Variants in TEN1 observed in about 807,000 individuals in gnomAD.
TEN1 encodes CST complex subunit TEN1.
Under a neutral mutation model 9.3 loss-of-function variants are expected in TEN1, and 6 were observed. The observed-to-expected ratio is 0.65, with a 90% CI of 0.35 to 1.27. The LOEUF (loss-of-function observed/expected upper bound fraction) is 1.27, where lower values mean the gene tolerates loss of function less well. TEN1 is among the 50% of genes most tolerant of loss of function. The pLI is 0.03. For synonymous variants in TEN1, 65 were observed against 65.6 expected (o/e 0.99, Z 0.04); for missense variants, 149 against 158.2 (o/e 0.94, Z 0.31).
In TEN1 at chr17:75,985,554, C is replaced by T. The variant is rs185362457; in HGVS notation, c.-6-633C>T. Among the ~76,000 whole-genome samples the T allele has an allele frequency of 1.7e-3, 255 of 152,252 alleles. 2 individuals are homozygous for T. The highest frequency in any genetic ancestry group is 6.6e-3 in the South Asian group (32 of 4,830). ...TGCTTTGTTTTTTGAGACGGAGTCT[C>T]GCTCTTATTGCCCTGGCTGGAGTGC... is the stretch of plus-strand genomic sequence containing the variant. On this transcript the variant is annotated intron_variant, in intron 1 of 3. Coordinates refer to ENST00000397640, the MANE Select transcript of TEN1 (RefSeq NM_001113324.3).
chr17:75,994,490 G>A (rs1300237482), intron 3 of TEN1, among the ~76,000 whole-genome samples: 1 of 151,076 alleles, frequency 6.6e-6, no homozygotes, highest in African/African-American at 2.4e-5. Context: ...TTTTTTGTGA[G>A]ACGGAGTCTC....
chr17:75,992,033 T>G (rs2066188821), intron 3 of TEN1, among the ~76,000 whole-genome samples: 2 of 117,550 alleles, frequency 1.7e-5, no homozygotes, highest in East Asian at 2.3e-4. Context: ...GATGACAGAG[T>G]GAGACTCCGT....
At chr17:75,999,117 G>A (rs79664079) in intron 3 of TEN1, among the ~76,000 whole-genome samples, 11,471 of 152,036 alleles carry the variant, frequency 0.075, 1,396 homozygotes, top group African/African-American at 0.26. Flanking sequence ...AGGCCGAGGC[G>A]GGCAGATCAC....
chr17:75,994,095 T>C (rs1045135033), intron 3 of TEN1, among the ~76,000 whole-genome samples: 3 of 152,040 alleles, frequency 2.0e-5, no homozygotes, highest in Admixed American at 2.0e-4. Context: ...AGTTTAGTAC[T>C]CTTATAATTT....
chr17:75,999,461 G>C (rs1052044660), intron 3 of TEN1, among the ~76,000 whole-genome samples: 4 of 152,040 alleles, frequency 2.6e-5, no homozygotes, highest in African/African-American at 9.7e-5. Flanking sequence ...TCCTGCCTCA[G>C]CCTTCCAAGT....
chr17:75,996,722 AAGAG>A (rs1555622100), intron 3 of TEN1, among the ~76,000 whole-genome samples: 26 of 141,526 alleles, frequency 1.8e-4, no homozygotes, highest in South Asian at 6.3e-4. Flanking sequence ...AAAAAAAAAA[AAGAG>A]AGAGAGAAAG....
rs567166272 is a variant in TEN1 at position 75,988,583 on chromosome 17, A to G, written c.92+2299A>G. On this transcript the variant is annotated intron_variant, in intron 2 of 3. Coordinates refer to ENST00000397640, the MANE Select transcript of TEN1 (RefSeq NM_001113324.3). The stretch of plus-strand genomic sequence containing the variant: ...CCTCAAAAAAAAAAAAAAAAAAAAA[A>G]AAAAGAAAAGAAGAAGAAAGCAATA... Among the ~76,000 whole-genome samples the G allele has an allele frequency of 8.8e-4, 96 of 109,012 alleles. 4 individuals are homozygous for G. The highest frequency in any genetic ancestry group is 5.9e-3 in the African/African-American group (62 of 10,550). The allele number at this position is 109,012 out of a possible 152,430, so 71.5% of individuals were successfully genotyped here. A position where few individuals can be genotyped will look rare whatever the true frequency, so the allele number is the denominator to read the frequency against.
intron 3 of TEN1, among the ~76,000 whole-genome samples, chr17:75,995,418 G>A (rs979520238): frequency 2.0e-5 from 3 of 152,156 alleles, no homozygotes; most frequent in African/African-American, 7.2e-5. Context: ...CAGGCCCAAA[G>A]CTCTATGGGG....
At chr17:75,989,407 T>C (rs1001873661) in intron 2 of TEN1, among the ~76,000 whole-genome samples, 6 of 149,212 alleles carry the variant, frequency 4.0e-5, no homozygotes, top group African/African-American at 1.5e-4. Context: ...CCACCGCACC[T>C]GGCCTTTTTT....
intron 1 of TEN1, among the ~76,000 whole-genome samples, chr17:75,983,421 G>A (rs2066134658): frequency 6.6e-6 from 1 of 152,156 alleles, no homozygotes; most frequent in African/African-American, 2.4e-5. Context: ...AACATCTAGT[G>A]GGGACACTCC....
chr17:75,982,171 C>CA (rs1352988606), intron 1 of TEN1, among the ~76,000 whole-genome samples: 4 of 152,226 alleles, frequency 2.6e-5, no homozygotes, highest in Admixed American at 6.5e-5. Flanking sequence ...GGTCCTCCCC[C>CA]ACACCCAGAA....
At chr17:75,983,810 C>T (rs1179817910) in intron 1 of TEN1, among the ~76,000 whole-genome samples, 1 of 152,046 alleles carries the variant, frequency 6.6e-6, no homozygotes, top group African/African-American at 2.4e-5. Flanking sequence ...CAGGCTGAGT[C>T]ACCTCTGAGG....
At position 75,988,240 on chromosome 17, in the gene TEN1, C is replaced by CA. The variant is rs749108730; in HGVS notation, c.92+1972dup. ...GGGTGACAAGAGTGAAATTCGGCCT[C>CA]AAAAAAAAAAAAAAAAGAAGTATTT... On this transcript the variant is annotated intron_variant, in intron 2 of 3. Transcript: ENST00000397640. 8.9e-3 allele frequency among the ~76,000 whole-genome samples: 798 copies of CA among 89,332 alleles called. 7 individuals are homozygous for CA. The highest frequency in any genetic ancestry group is 0.024 in the African/African-American group (535 of 22,582). The allele number at this position is 89,332 out of a possible 152,430, so 58.6% of individuals were successfully genotyped here.
intron 3 of TEN1, among the ~76,000 whole-genome samples, chr17:75,992,173 G>C (rs1406293259): frequency 2.0e-5 from 3 of 152,066 alleles, no homozygotes; most frequent in Non-Finnish European, 2.9e-5. Flanking sequence ...ATGTGAGGCA[G>C]CTTGCTTAGA....
chr17:75,984,176 G>C (rs952269925), intron 1 of TEN1, among the ~76,000 whole-genome samples: 1 of 152,072 alleles, frequency 6.6e-6, no homozygotes, highest in Non-Finnish European at 1.5e-5. Flanking sequence ...GGCAAGAGGG[G>C]GACTGGCTAG....
At position 75,996,706 on chromosome 17, in the gene TEN1, CAAAA is replaced by C. The variant is rs35106916; in HGVS notation, c.251-3421_251-3418del. 1.3e-4 allele frequency among the ~76,000 whole-genome samples: 12 copies of C among 95,944 alleles called. No homozygotes were observed. In the South Asian group the frequency reaches 1.7e-3, roughly 14 times the overall value. The allele number at this position is 95,944 out of a possible 152,430, so 62.9% of individuals were successfully genotyped here. On this transcript the variant is annotated intron_variant, in intron 3 of 3. Transcript: ENST00000397640. ...CCTGGGTGACAGAGTGAGACCCTGT[CAAAA>C]AAAAAAAAAAAAAGAGAGAGAGAAA...
At chr17:75,997,168 C>G (rs552533614) in intron 3 of TEN1, among the ~76,000 whole-genome samples, 1 of 152,262 alleles carries the variant, frequency 6.6e-6, no homozygotes, top group East Asian at 1.9e-4. Flanking sequence ...GCCTCACTAC[C>G]ATTTCAGCCA....
chr17:75,989,161 G>A (rs1452225386), intron 2 of TEN1, among the ~76,000 whole-genome samples: 7 of 150,454 alleles, frequency 4.7e-5, no homozygotes, highest in African/African-American at 7.3e-5. Flanking sequence ...GTGCAGTGGC[G>A]CGATCTCAGC....
chr17:75,996,320 T>C (rs1358241507), intron 3 of TEN1, among the ~76,000 whole-genome samples: 1 of 151,928 alleles, frequency 6.6e-6, no homozygotes, highest in Admixed American at 6.6e-5. Context: ...ACCCTGTCTC[T>C]ACAAAAAATA....
Sources: allele counts gnomAD v4.1 joint callset (sites outside exome capture counted in the v4.1 genomes callset), GRCh38; gene constraint gnomAD v4.1.1; transcripts MANE v1.5; gene names NCBI Gene and HGNC (gene_info 2026-07-23, HGNC 2026-07-21).